AMD1: variants seen among roughly 807,000 people sequenced by gnomAD.
AMD1 encodes S-adenosylmethionine decarboxylase proenzyme.
AMD1 carries 11 observed loss-of-function variants against 40.2 expected under a neutral mutation model. The ratio of observed to expected loss-of-function variants is 0.27; its 90% CI spans 0.17 to 0.45. The LOEUF is 0.45. AMD1 is among the 20% of genes least tolerant of loss of function. The pLI, the probability that AMD1 is intolerant of heterozygous loss-of-function variation, is 1.00. For synonymous variants in AMD1, 121 were observed against 130.8 expected (o/e 0.93, Z 0.51); for missense variants, 257 against 410.2 (o/e 0.63, Z 3.23).
chr6:110,868,508 A>G, the AMD1 span, among the ~76,000 whole-genome samples: 8 of 152,138 alleles, frequency 5.3e-5, no homozygotes, highest in Non-Finnish European at 1.5e-5. Context: ...CCTGGGAAAC[A>G]TTATCACTAA....
At chr6:110,838,252 G>C in the AMD1 span, among the ~76,000 whole-genome samples, 4 of 151,374 alleles carry the variant, frequency 2.6e-5, no homozygotes, top group African/African-American at 9.7e-5. Context: ...AGCCGGGTGT[G>C]GTGGCATGTG....
the AMD1 span, among the ~76,000 whole-genome samples, chr6:110,863,101 C>T: frequency 2.0e-5 from 3 of 151,970 alleles, no homozygotes; most frequent in Admixed American, 2.0e-4. Flanking sequence ...CCCACCACCA[C>T]GCCCGGCTAA....
the AMD1 span, among the ~76,000 whole-genome samples, chr6:110,832,379 G>A: frequency 5.4e-4 from 82 of 150,482 alleles, no homozygotes; most frequent in African/African-American, 1.9e-3. Flanking sequence ...TCAAACTCCT[G>A]GACTCAAGTA....
At chr6:110,882,618 CTGATT>C in intron 1 of AMD1, among the ~76,000 whole-genome samples, 1 of 152,112 alleles carries the variant, frequency 6.6e-6, no homozygotes, top group East Asian at 1.9e-4. Flanking sequence ...ATTTTGCCCT[CTGATT>C]TATTTTTCTT....
At chr6:110,868,688 T>C in the AMD1 span, among the ~76,000 whole-genome samples, 322 of 152,280 alleles carry the variant, frequency 2.1e-3, no homozygotes, top group African/African-American at 7.6e-3. Context: ...CCATATTAGT[T>C]ACACCAAAGA....
At chr6:110,863,099 C>T in the AMD1 span, among the ~76,000 whole-genome samples, 1 of 152,004 alleles carries the variant, frequency 6.6e-6, no homozygotes, top group Admixed American at 6.6e-5. Flanking sequence ...CACCCACCAC[C>T]ACGCCCGGCT....
the AMD1 span, among the ~76,000 whole-genome samples, chr6:110,835,499 A>G: frequency 6.6e-6 from 1 of 152,202 alleles, no homozygotes; most frequent in Non-Finnish European, 1.5e-5. Context: ...ATCAGACATC[A>G]GACATTTGTC....
chr6:110,866,940 A>G, the AMD1 span, among the ~76,000 whole-genome samples: 1 of 151,768 alleles, frequency 6.6e-6, no homozygotes, highest in African/African-American at 2.4e-5. Flanking sequence ...CAGCCTCCCG[A>G]GTAGCTGGGA....
chr6:110,846,638 G>A, the AMD1 span, among the ~76,000 whole-genome samples: 1 of 152,156 alleles, frequency 6.6e-6, no homozygotes, highest in Non-Finnish European at 1.5e-5. Context: ...TTGGGAGCCT[G>A]AGGCAGGTGG....
At chr6:110,870,580 A>T (rs546751045), upstream of AMD1, among the ~76,000 whole-genome samples, 1 of 152,190 alleles carries the variant, frequency 6.6e-6, no homozygotes, top group Non-Finnish European at 1.5e-5. Flanking sequence ...GTTAAGATGG[A>T]GCCACTGCAC....
At chr6:110,863,921 A>T in the AMD1 span, 1 of 498,214 alleles carries the variant, frequency 2.0e-6, no homozygotes. Flanking sequence ...GCCAACCAAA[A>T]AAACATGAAG....
At chr6:110,834,671 T>C in the AMD1 span, among the ~76,000 whole-genome samples, 1 of 151,834 alleles carries the variant, frequency 6.6e-6, no homozygotes, top group African/African-American at 2.4e-5. Flanking sequence ...CAAAAAAAAA[T>C]CTGGCGGCCA....
the AMD1 span, among the ~76,000 whole-genome samples, chr6:110,860,513 C>A: frequency 2.6e-5 from 4 of 151,886 alleles, no homozygotes; most frequent in Admixed American, 2.0e-4. Flanking sequence ...AAAAAACACA[C>A]ACATACTGGG....
chr6:110,880,759 G>A (rs1374371916), intron 1 of AMD1, among the ~76,000 whole-genome samples: 1 of 151,990 alleles, frequency 6.6e-6, no homozygotes, highest in Non-Finnish European at 1.5e-5. Context: ...TGTAGCCTCC[G>A]CCTCCTGGGT....
At chr6:110,863,398 C>G in the AMD1 span, among the ~76,000 whole-genome samples, 1 of 144,972 alleles carries the variant, frequency 6.9e-6, no homozygotes, top group Non-Finnish European at 1.5e-5. Flanking sequence ...TAGACAGAGT[C>G]TCGCTCTGTC....
chr6:110,851,771 G>C, the AMD1 span, among the ~76,000 whole-genome samples: 4 of 151,922 alleles, frequency 2.6e-5, no homozygotes, highest in South Asian at 8.3e-4. Context: ...CCTCAAAATT[G>C]GTTCTAATCA....
chr6:110,889,056 A>G, intron 3 of AMD1, 73 bp downstream of exon 3: 5 of 1,539,688 alleles, frequency 3.2e-6, no homozygotes, highest in Non-Finnish European at 4.4e-6. Context: ...TGCGAAGTAA[A>G]TAAATTTATA....
the AMD1 span, chr6:110,815,067 C>G: frequency 6.2e-7 from 1 of 1,605,536 alleles, no homozygotes; most frequent in Non-Finnish European, 8.5e-7. Context: ...ACTTTGCACC[C>G]TTCGTACTCA....
chr6:110,865,994 C>T, the AMD1 span, among the ~76,000 whole-genome samples: 1 of 151,954 alleles, frequency 6.6e-6, no homozygotes, highest in Non-Finnish European at 1.5e-5. Context: ...AACTCCTGAC[C>T]TCAGGTGATC....
Sources: gnomAD v4.1 joint callset for allele counts (sites outside exome capture counted in the v4.1 genomes callset) on GRCh38, gnomAD v4.1.1 for gene constraint, MANE v1.5 for transcripts, NCBI Gene and HGNC (gene_info 2026-07-23, HGNC 2026-07-21) for gene names.